The following VPS13B variants were observed in gnomAD, a reference collection of about 807,000 sequenced individuals.
The protein encoded by VPS13B is intermembrane lipid transfer protein VPS13B.
Under a neutral mutation model 426.4 loss-of-function variants are expected in VPS13B, and 285 were observed. That is an observed-to-expected ratio of 0.67 (90% CI 0.61 to 0.74). The LOEUF (loss-of-function observed/expected upper bound fraction) is 0.74, where lower values mean the gene tolerates loss of function less well. Ranked by LOEUF, VPS13B falls within the 30% of genes least tolerant of loss-of-function variation. The pLI is 0.00. For missense variants in VPS13B, 4,537 were observed against 4,782.6 expected (o/e 0.95, Z 1.51); for synonymous variants, 1,676 against 1,676.4 (o/e 1.00, Z 0.01).
chr8:99,263,197 T>G (rs774653546), intron 17 of VPS13B, among the ~76,000 whole-genome samples: 1 of 152,216 alleles, frequency 6.6e-6, no homozygotes, highest in African/African-American at 2.4e-5. Context: ...TTCTTAGATA[T>G]GTACCTCTAA....
chr8:99,849,541 T>C (rs1297453064), intron 55 of VPS13B, among the ~76,000 whole-genome samples: 1 of 152,212 alleles, frequency 6.6e-6, no homozygotes, highest in Non-Finnish European at 1.5e-5. Flanking sequence ...TATAAATTGG[T>C]ACTATTTCCA....
chr8:99,314,475 T>C (rs1357212099), intron 19 of VPS13B, among the ~76,000 whole-genome samples: 1 of 152,250 alleles, frequency 6.6e-6, no homozygotes, highest in Non-Finnish European at 1.5e-5. Context: ...TATTTCATTG[T>C]TAATTTTCTG....
chr8:99,211,971 C>T (rs1359823577), intron 17 of VPS13B, among the ~76,000 whole-genome samples: 1 of 151,632 alleles, frequency 6.6e-6, no homozygotes, highest in African/African-American at 2.4e-5. Context: ...CGGCTCACTG[C>T]AACATCTGCC....
chr8:99,323,649 T>C (rs1810097873), intron 19 of VPS13B, among the ~76,000 whole-genome samples: 1 of 152,230 alleles, frequency 6.6e-6, no homozygotes, highest in Non-Finnish European at 1.5e-5. Context: ...GAGAGTTTAG[T>C]TAAGTACAAC....
chr8:99,589,132 A>G (rs1826462543), intron 33 of VPS13B, among the ~76,000 whole-genome samples: 1 of 151,778 alleles, frequency 6.6e-6, no homozygotes. Flanking sequence ...CCAGCCTTGC[A>G]TCCCAGGGAT....
chr8:99,589,523 A>G (rs1826495564), intron 33 of VPS13B, among the ~76,000 whole-genome samples: 1 of 151,738 alleles, frequency 6.6e-6, no homozygotes, highest in Non-Finnish European at 1.5e-5. Context: ...TGTCCCTACA[A>G]AGGACATGAA....
chr8:99,366,411 T>C (rs1427399827), intron 19 of VPS13B, among the ~76,000 whole-genome samples: 8 of 152,154 alleles, frequency 5.3e-5, no homozygotes, highest in African/African-American at 2.4e-5. Context: ...ACTCCCGCAC[T>C]TTTTTGGTTT....
At chr8:99,313,945 G>C (rs116880033) in intron 19 of VPS13B, among the ~76,000 whole-genome samples, 1 of 151,986 alleles carries the variant, frequency 6.6e-6, no homozygotes, top group Admixed American at 6.5e-5. Flanking sequence ...GTGAGGCTTC[G>C]TGGGCTTGGG....
At chr8:99,652,297 C>A (rs1829850115) in intron 34 of VPS13B, among the ~76,000 whole-genome samples, 1 of 152,048 alleles carries the variant, frequency 6.6e-6, no homozygotes, top group South Asian at 2.1e-4. Flanking sequence ...GTTTCCTTGT[C>A]TATGATATGA....
At chr8:99,156,831 C>A in intron 15 of VPS13B, 88 bp downstream of exon 15, 1 of 1,287,494 alleles carries the variant, frequency 7.8e-7, no homozygotes, top group Non-Finnish European at 1.1e-6. Context: ...GTTGTAATTT[C>A]AGAGAAATAG....
At chr8:99,275,336 T>G in intron 19 of VPS13B, 82 bp downstream of exon 19, 1 of 357,080 alleles carries the variant, frequency 2.8e-6, no homozygotes, top group Non-Finnish European at 4.2e-6. Flanking sequence ...TTGGTATATA[T>G]TTTTTTTTTT....
At chr8:99,157,404 A>C (rs1337686384) in intron 15 of VPS13B, among the ~76,000 whole-genome samples, 1 of 151,964 alleles carries the variant, frequency 6.6e-6, no homozygotes, top group African/African-American at 2.4e-5. Context: ...CAAATATTTC[A>C]CAAGTTTTCA....
intron 19 of VPS13B, among the ~76,000 whole-genome samples, chr8:99,377,845 T>A (rs965115955): frequency 6.6e-6 from 1 of 152,030 alleles, no homozygotes; most frequent in African/African-American, 2.4e-5. Context: ...GTCACAGAGA[T>A]CACATGGTTC....
At chr8:99,561,046 C>A (rs188168645) in intron 31 of VPS13B, among the ~76,000 whole-genome samples, 6 of 152,246 alleles carry the variant, frequency 3.9e-5, no homozygotes, top group Non-Finnish European at 8.8e-5. Context: ...ATTCACATAA[C>A]ATAAAATTAA....
intron 3 of VPS13B, among the ~76,000 whole-genome samples, chr8:99,084,757 A>G (rs1196304754): frequency 6.6e-6 from 1 of 152,134 alleles, no homozygotes; most frequent in Non-Finnish European, 1.5e-5. Flanking sequence ...CATGTAGTTG[A>G]GTGGCTTTGA....
intron 12 of VPS13B, among the ~76,000 whole-genome samples, chr8:99,141,890 A>T (rs1468874103): frequency 6.6e-6 from 1 of 151,028 alleles, no homozygotes. Context: ...TAAAAAAAAA[A>T]AAAAAAAACA....
chr8:99,590,657 T>C (rs187523759), intron 33 of VPS13B, among the ~76,000 whole-genome samples: 56 of 152,318 alleles, frequency 3.7e-4, no homozygotes, highest in Middle Eastern at 3.4e-3. Flanking sequence ...TGAGTGAGTT[T>C]CTTAATCCTG....
intron 23 of VPS13B, among the ~76,000 whole-genome samples, chr8:99,455,393 G>A (rs575051554): frequency 1.8e-4 from 28 of 152,206 alleles, no homozygotes; most frequent in African/African-American, 6.5e-4. Flanking sequence ...GAGGCCTCAG[G>A]AAACTTACAA....
chr8:99,615,288 A>G (rs1828039087), intron 33 of VPS13B, among the ~76,000 whole-genome samples: 1 of 152,210 alleles, frequency 6.6e-6, no homozygotes, highest in African/African-American at 2.4e-5. Flanking sequence ...TGCAAAAACC[A>G]TAGAATGGTC....
Sources: allele counts gnomAD v4.1 joint callset (sites outside exome capture counted in the v4.1 genomes callset), GRCh38; gene constraint gnomAD v4.1.1; transcripts MANE v1.5; gene names NCBI Gene and HGNC (gene_info 2026-07-23, HGNC 2026-07-21).